AOAH: variants seen among roughly 807,000 people sequenced by gnomAD.
AOAH encodes acyloxyacyl hydrolase, also known as acyloxyacyl hydrolase (neutrophil).
A neutral mutation model predicts 92.2 loss-of-function variants in AOAH; 64 were observed. The observed-to-expected ratio is 0.69, with a 90% confidence interval of 0.57 to 0.86. AOAH has a LOEUF of 0.86. Among genes scored for constraint, AOAH ranks in the 40% least tolerant of loss-of-function variants. The probability of loss-of-function intolerance (pLI) is 0.00; values close to 1 mark genes in which losing one functional copy is unlikely to be tolerated. For missense variants in AOAH, 656 were observed against 694.6 expected (o/e 0.94, Z 0.62); for synonymous variants, 263 against 254.5 (o/e 1.03, Z -0.32).
rs55708881 is a variant in AOAH at position 36,724,230 on chromosome 7, A to G, written c.-82T>C. Reference sequence around the variant, plus strand: ...TGCTGGAGCTGAGGCTGCAGAATCAATTGATCTCTCTCTCCTTCTCTTCCT... The same window carrying G: ...TGCTGGAGCTGAGGCTGCAGAATCAGTTGATCTCTCTCTCCTTCTCTTCCT... On this transcript the variant is annotated 5_prime_UTR_variant, in exon 1 of 21. Transcript: ENST00000617537. 2,842 of 1,538,994 alleles carry G rather than the reference A, an allele frequency of 1.8e-3. 41 individuals are homozygous for G. In the African/African-American group the frequency reaches 0.034, roughly 18 times the overall value.
chr7:36,700,548 C>G (rs1353579307), intron 1 of AOAH, among the ~76,000 whole-genome samples: 1 of 151,938 alleles, frequency 6.6e-6, no homozygotes, highest in Non-Finnish European at 1.5e-5. Flanking sequence ...TATTTATACA[C>G]ATATATACAC....
At chr7:36,697,256 T>C (rs972780089) in intron 1 of AOAH, among the ~76,000 whole-genome samples, 1 of 152,316 alleles carries the variant, frequency 6.6e-6, no homozygotes, top group African/African-American at 2.4e-5. Flanking sequence ...CATAAATGGG[T>C]GACAAATTTT....
intron 11 of AOAH, among the ~76,000 whole-genome samples, chr7:36,606,145 C>T (rs1194384263): frequency 6.6e-6 from 1 of 152,208 alleles, no homozygotes; most frequent in Non-Finnish European, 1.5e-5. Context: ...ATTTTGTATG[C>T]ATCATGAAAA....
chr7:36,597,528 G>T (rs1790217138), intron 11 of AOAH, among the ~76,000 whole-genome samples: 1 of 152,204 alleles, frequency 6.6e-6, no homozygotes, highest in Non-Finnish European at 1.5e-5. Context: ...TAAGCAAGTG[G>T]CTTGCGAGAT....
At chr7:36,622,377 A>G (rs1226170587) in intron 7 of AOAH, among the ~76,000 whole-genome samples, 2 of 152,218 alleles carry the variant, frequency 1.3e-5, no homozygotes, top group African/African-American at 4.8e-5. Flanking sequence ...TTAATTATGC[A>G]GGTTTAAATA....
intron 1 of AOAH, among the ~76,000 whole-genome samples, chr7:36,691,212 A>G (rs144452931): frequency 2.0e-5 from 3 of 152,344 alleles, no homozygotes; most frequent in African/African-American, 7.2e-5. Context: ...TCTACGAATT[A>G]TTACTCTCAT....
chr7:36,586,798 T>C (rs192686928), intron 12 of AOAH, among the ~76,000 whole-genome samples: 259 of 152,322 alleles, frequency 1.7e-3, no homozygotes, highest in Middle Eastern at 3.4e-3. Flanking sequence ...AATAAATCCA[T>C]TACATGTTAA....
At chr7:36,696,572 A>C (rs559232113) in intron 1 of AOAH, among the ~76,000 whole-genome samples, 1 of 152,196 alleles carries the variant, frequency 6.6e-6, no homozygotes, top group African/African-American at 2.4e-5. Flanking sequence ...AATATAAATA[A>C]AAAATCAAGC....
intron 1 of AOAH, among the ~76,000 whole-genome samples, chr7:36,690,523 G>A (rs917274419): frequency 1.3e-5 from 2 of 152,222 alleles, no homozygotes; most frequent in Non-Finnish European, 2.9e-5. Context: ...TCTAATAAGA[G>A]GTTTCGCTTC....
chr7:36,540,006 C>T (rs1457926388), intron 16 of AOAH, among the ~76,000 whole-genome samples: 1 of 152,170 alleles, frequency 6.6e-6, no homozygotes, highest in Non-Finnish European at 1.5e-5. Context: ...GGGTCTGTCT[C>T]CTGTTTGGGC....
rs543067304 is a variant in AOAH at position 36,596,844 on chromosome 7, G to A, written c.847-2414C>T. On this transcript the variant is annotated intron_variant, in intron 11 of 20. Coordinates refer to ENST00000617537, the MANE Select transcript of AOAH (RefSeq NM_001637.4). ...AGGAAACTAATACATGGCTTGAATC[G>A]GACAATATGCTTGTTGCTTTTATTA... 1.1e-4 allele frequency among the ~76,000 whole-genome samples: 17 copies of A among 152,242 alleles called. No homozygotes were observed. In the South Asian group the frequency reaches 3.3e-3, roughly 30 times the overall value.
intron 1 of AOAH, among the ~76,000 whole-genome samples, chr7:36,717,476 C>A (rs564395043): frequency 3.3e-4 from 50 of 151,772 alleles, no homozygotes; most frequent in Non-Finnish European, 6.8e-4. Context: ...CTTCTGCGGG[C>A]TGAACTACCA....
chr7:36,698,873 A>T (rs1214071531), intron 1 of AOAH, among the ~76,000 whole-genome samples: 1 of 151,900 alleles, frequency 6.6e-6, no homozygotes, highest in Non-Finnish European at 1.5e-5. Context: ...AACTCTAGTC[A>T]CTCTACTAAT....
chr7:36,705,404 T>C (rs2116921412), intron 1 of AOAH, among the ~76,000 whole-genome samples: 1 of 152,028 alleles, frequency 6.6e-6, no homozygotes, highest in East Asian at 1.9e-4. Flanking sequence ...GAGAATAAAA[T>C]ACCTAGGAAT....
chr7:36,520,135 C>T (rs919941460), intron 20 of AOAH, among the ~76,000 whole-genome samples: 2 of 152,150 alleles, frequency 1.3e-5, no homozygotes, highest in Admixed American at 6.6e-5. Context: ...TTTCAATAAT[C>T]AGATATAGGT....
At chr7:36,646,552 T>A (rs1245743096) in intron 4 of AOAH, among the ~76,000 whole-genome samples, 6 of 152,246 alleles carry the variant, frequency 3.9e-5, no homozygotes, top group Non-Finnish European at 7.3e-5. Flanking sequence ...ACAAATCAAT[T>A]ATTTGTATTA....
intron 1 of AOAH, chr7:36,690,265 G>A (rs1275800609): frequency 1.2e-5 from 5 of 429,092 alleles, no homozygotes; most frequent in East Asian, 7.3e-5. Context: ...TACCGCTATC[G>A]TCACTTTGCC....
chr7:36,541,175 C>A (rs539380690), intron 15 of AOAH, among the ~76,000 whole-genome samples: 68 of 152,336 alleles, frequency 4.5e-4, no homozygotes, highest in African/African-American at 1.6e-3. Context: ...GACTTGCATG[C>A]ATTTCCTGAT....
intron 11 of AOAH, among the ~76,000 whole-genome samples, chr7:36,612,458 AGTTT>A (rs1791533670): frequency 6.6e-6 from 1 of 152,056 alleles, no homozygotes; most frequent in South Asian, 2.1e-4. Context: ...TTTGATTTTT[AGTTT>A]CTTTCCTCAT....
Sources: allele counts gnomAD v4.1 joint callset (sites outside exome capture counted in the v4.1 genomes callset), GRCh38; gene constraint gnomAD v4.1.1; transcripts MANE v1.5; gene names NCBI Gene and HGNC (gene_info 2026-07-23, HGNC 2026-07-21).